The following SPICE1 variants were observed in gnomAD, a reference collection of about 807,000 sequenced individuals.
SPICE1 encodes the protein spindle and centriole-associated protein 1.
SPICE1 carries 75 observed loss-of-function variants against 102.7 expected under a neutral mutation model. That is an observed-to-expected ratio of 0.73 (90% CI 0.61 to 0.88). The LOEUF is 0.88. SPICE1 is among the 40% of genes least tolerant of loss of function. The pLI is 0.00. For missense variants in SPICE1, 979 were observed against 1,020.1 expected (o/e 0.96, Z 0.55); for synonymous variants, 308 against 350.3 (o/e 0.88, Z 1.35).
intron 13 of SPICE1, among the ~76,000 whole-genome samples, 198 bp downstream of exon 13, chr3:113,456,938 T>C (rs1872747): frequency 1.5e-3 from 224 of 152,262 alleles, no homozygotes; most frequent in African/African-American, 5.2e-3. Flanking sequence ...AAAATAGATA[T>C]ACAATAAAAT....
chr3:113,458,624 C>T (rs1286673526), intron 12 of SPICE1, among the ~76,000 whole-genome samples: 3 of 152,196 alleles, frequency 2.0e-5, no homozygotes, highest in South Asian at 4.1e-4. Context: ...AGCCTCTGCC[C>T]GGCCGCCACC....
At chr3:113,507,613 T>C (rs1005381929) in intron 1 of SPICE1, among the ~76,000 whole-genome samples, 4 of 152,142 alleles carry the variant, frequency 2.6e-5, no homozygotes, top group African/African-American at 9.7e-5. Flanking sequence ...TCCTTAAACA[T>C]GGTATCTAAT....
chr3:113,461,994 T>C (rs1368767561), intron 11 of SPICE1, among the ~76,000 whole-genome samples: 1 of 152,186 alleles, frequency 6.6e-6, no homozygotes, highest in East Asian at 1.9e-4. Context: ...TCCTCAAGCC[T>C]TGTTTACCTC....
At position 113,450,519 on chromosome 3, in the gene SPICE1, T is replaced by G. The variant is rs748673141; in HGVS notation, c.2143-3A>C. On this transcript the variant is annotated splice_polypyrimidine_tract_variant and splice_region_variant and intron_variant, in intron 14 of 17. Transcript: ENST00000295872. ...AGAGACTGTGCTACTGGAAAAGTCT[T>G]TGGGAGAAAAAAAAAAAAAGTACAA... 5.7e-6 allele frequency: 9 copies of G among 1,567,450 alleles called. No homozygotes were observed. The highest frequency in any genetic ancestry group is 7.7e-6 in the Non-Finnish European group (9 of 1,161,410).
rs771669524 is a variant in SPICE1, at chr3:113,443,983, T to C, written c.*1324A>G. 6.6e-6 allele frequency: 1 copy of C among 152,228 alleles called. No individual in the cohort carries two copies. Among genetic ancestry groups the C allele is most frequent in the African/African-American group, 2.4e-5 (1 of 41,462 alleles). 9.4% of individuals were successfully genotyped at this position (152,228 alleles called of 1,614,324 possible). ...CCAGTATCTCTGCCAACCTGTAATT[T>C]GGAAAACTGTAAATTTCAGGTTGAG... On this transcript the variant is annotated 3_prime_UTR_variant, in exon 18 of 18. Transcript: ENST00000295872.
chr3:113,489,345 T>C (rs114876147), intron 6 of SPICE1, among the ~76,000 whole-genome samples: 1 of 152,132 alleles, frequency 6.6e-6, no homozygotes, highest in Non-Finnish European at 1.5e-5. Flanking sequence ...GCTATATATA[T>C]CTTCTTTCTT....
intron 9 of SPICE1, 145 bp from the exon 10 acceptor site, chr3:113,468,549 T>C (rs1358402995): frequency 1.7e-6 from 2 of 1,152,186 alleles, no homozygotes; most frequent in Admixed American, 5.3e-5. Flanking sequence ...AATTAAACAG[T>C]TTAAACCAGA....
chr3:113,452,971 C>A (rs1559957003), intron 14 of SPICE1, among the ~76,000 whole-genome samples: 1 of 152,118 alleles, frequency 6.6e-6, no homozygotes, highest in East Asian at 1.9e-4. Flanking sequence ...GAGCAAGACT[C>A]CGTCTCAAAA....
chr3:113,463,698 G>A (rs1935985838), intron 11 of SPICE1, among the ~76,000 whole-genome samples: 2 of 152,134 alleles, frequency 1.3e-5, no homozygotes, highest in South Asian at 4.1e-4. Context: ...TCTATATTAG[G>A]CAAATACACA....
At chr3:113,455,824 A>G (rs368141175) in intron 13 of SPICE1, among the ~76,000 whole-genome samples, 1 of 152,268 alleles carries the variant, frequency 6.6e-6, no homozygotes, top group Non-Finnish European at 1.5e-5. Flanking sequence ...AATGTTGTCT[A>G]TAGCAATCCC....
chr3:113,463,327 A>G (rs1935978341), intron 11 of SPICE1, among the ~76,000 whole-genome samples: 1 of 152,214 alleles, frequency 6.6e-6, no homozygotes, highest in Admixed American at 6.5e-5. Context: ...TTTGTTCACT[A>G]TTCTATTTCC....
intron 4 of SPICE1, among the ~76,000 whole-genome samples, chr3:113,497,077 G>C (rs1320443852): frequency 2.0e-5 from 3 of 152,222 alleles, no homozygotes; most frequent in Admixed American, 2.0e-4. Context: ...CTTTGTAAGT[G>C]GGAATGGCCA....
chr3:113,494,455 G>A (rs958660537), intron 4 of SPICE1, among the ~76,000 whole-genome samples: 1 of 151,952 alleles, frequency 6.6e-6, no homozygotes, highest in Non-Finnish European at 1.5e-5. Context: ...AGACCATCCC[G>A]GCTAAAACGG....
At chr3:113,503,920 G>T (rs946222700) in intron 2 of SPICE1, among the ~76,000 whole-genome samples, 1 of 130,186 alleles carries the variant, frequency 7.7e-6, no homozygotes, top group East Asian at 2.3e-4. Context: ...GCAACAAAGC[G>T]AGTTTCTATC....
In SPICE1 at chr3:113,507,041, A is replaced by G. The variant is rs1032355007; in HGVS notation, c.1-436T>C. On this transcript the variant is annotated intron_variant, in intron 1 of 17. Coordinates refer to ENST00000295872, the MANE Select transcript of SPICE1 (RefSeq NM_144718.4). Reference sequence around the variant, plus strand: ...CTTTTTTAAGCACTCTAACACTCAAAATCACTACCAGGTACATATGGGCTT... The same window carrying G: ...CTTTTTTAAGCACTCTAACACTCAAGATCACTACCAGGTACATATGGGCTT... Among the ~76,000 whole-genome samples the G allele has an allele frequency of 2.0e-5, 3 of 152,218 alleles. No individual in the cohort carries two copies. The South Asian group carries it at 6.2e-4, about 32-fold the overall frequency.
chr3:113,483,507 C>CT (rs1167662641), intron 7 of SPICE1, among the ~76,000 whole-genome samples: 3 of 151,728 alleles, frequency 2.0e-5, no homozygotes, highest in Non-Finnish European at 4.4e-5. Context: ...ATTCTATTGG[C>CT]TGTGGGTTGG....
chr3:113,458,305 C>A (rs1349865463), intron 12 of SPICE1, among the ~76,000 whole-genome samples: 1 of 152,216 alleles, frequency 6.6e-6, no homozygotes, highest in Non-Finnish European at 1.5e-5. Flanking sequence ...CTCACTGCAA[C>A]CTCCCTGCCT....
At chr3:113,472,676 G>A (rs1190779473) in intron 7 of SPICE1, among the ~76,000 whole-genome samples, 2 of 152,146 alleles carry the variant, frequency 1.3e-5, no homozygotes, top group Middle Eastern at 3.2e-3. Context: ...AGGCAAACAG[G>A]GTCTGGAGTG....
At chr3:113,475,579 A>G (rs1936323513) in intron 7 of SPICE1, among the ~76,000 whole-genome samples, 1 of 152,138 alleles carries the variant, frequency 6.6e-6, no homozygotes, top group Admixed American at 6.5e-5. Context: ...CAAAAAGTTT[A>G]TCCACCATGA....
Sources: gnomAD v4.1 joint callset for allele counts (sites outside exome capture counted in the v4.1 genomes callset) on GRCh38, gnomAD v4.1.1 for gene constraint, MANE v1.5 for transcripts, NCBI Gene and HGNC (gene_info 2026-07-23, HGNC 2026-07-21) for gene names.